The following RANBP2 variants were observed in gnomAD, a reference collection of about 807,000 sequenced individuals.
The protein encoded by RANBP2 is RAN binding protein 2.
RANBP2 carries 57 observed loss-of-function variants against 303.6 expected under a neutral mutation model. The observed-to-expected ratio is 0.19, with a 90% CI of 0.15 to 0.23. RANBP2 has a LOEUF of 0.23. RANBP2 is among the 10% of genes least tolerant of loss of function. The pLI, the probability that RANBP2 is intolerant of heterozygous loss-of-function variation, is 1.00. For synonymous variants in RANBP2, 1,167 were observed against 1,301.5 expected (o/e 0.90, Z 2.23); for missense variants, 3,138 against 3,780.8 (o/e 0.83, Z 4.46).
the RANBP2 span, among the ~76,000 whole-genome samples, chr2:108,899,787 A>C: frequency 6.6e-6 from 1 of 152,190 alleles, no homozygotes; most frequent in Admixed American, 6.5e-5. Context: ...GGAGTTCAAG[A>C]CTAGCCTGGC....
At chr2:109,697,945 C>T in the RANBP2 span, among the ~76,000 whole-genome samples, 2 of 151,394 alleles carry the variant, frequency 1.3e-5, no homozygotes, top group South Asian at 2.1e-4. Context: ...CTGCGACCTC[C>T]GCCTCCCAGG....
chr2:109,228,190 C>G, the RANBP2 span, among the ~76,000 whole-genome samples: 1 of 152,146 alleles, frequency 6.6e-6, no homozygotes, highest in Non-Finnish European at 1.5e-5. Context: ...GCTTATAATA[C>G]TGTCAGAAAT....
the RANBP2 span, among the ~76,000 whole-genome samples, chr2:109,049,930 G>T: frequency 6.6e-6 from 1 of 152,176 alleles, no homozygotes; most frequent in Non-Finnish European, 1.5e-5. Flanking sequence ...GTAAATGCTT[G>T]TCTCCTCTGG....
the RANBP2 span, among the ~76,000 whole-genome samples, chr2:109,078,990 C>CA: frequency 7.3e-5 from 11 of 150,346 alleles, no homozygotes; most frequent in South Asian, 2.1e-4. Context: ...GACTCTGTTT[C>CA]AAAAAAAAAG....
chr2:109,056,857 G>T, the RANBP2 span, among the ~76,000 whole-genome samples: 2 of 152,176 alleles, frequency 1.3e-5, no homozygotes, highest in African/African-American at 4.8e-5. Flanking sequence ...GTTGTACATG[G>T]TCCTCCCAAG....
In RANBP2 at chr2:108,768,013, A is replaced by C. The variant is rs2693103; in HGVS notation, c.7474A>C (p.Thr2492Pro). Residue 2492 changes from threonine (T) to proline (P), a missense_variant, in exon 20 of 29, where the codon ACT becomes CCT. This residue lies in a region of RANBP2 where 497 missense variants were observed against 465.8 expected (regional missense o/e 1.07). Transcript: ENST00000283195. ...VIQGDDVADA[T>P]SEVEVSSTSE... Reference sequence around the variant, plus strand: ...TCAGGGTGATGATGTAGCAGATGCAACTTCAGAAGTTGAAGTGTCTAGCAC... The same window carrying C: ...TCAGGGTGATGATGTAGCAGATGCACCTTCAGAAGTTGAAGTGTCTAGCAC... The C allele has an allele frequency of 2.1e-4, 333 of 1,612,064 alleles. 2 individuals carry two copies. In the African/African-American group the frequency reaches 4.0e-3, roughly 19 times the overall value.
At chr2:109,446,350 G>A in the RANBP2 span, among the ~76,000 whole-genome samples, 3,981 of 152,266 alleles carry the variant, frequency 0.026, 166 homozygotes, top group African/African-American at 0.09. Context: ...CATTGCGGGC[G>A]TTATCGTGAA....
At chr2:109,430,583 C>A in the RANBP2 span, among the ~76,000 whole-genome samples, 3 of 152,160 alleles carry the variant, frequency 2.0e-5, no homozygotes, top group African/African-American at 7.2e-5. Flanking sequence ...GTTCTCCTCT[C>A]CTCCCCTCCA....
At chr2:108,975,061 A>G in the RANBP2 span, among the ~76,000 whole-genome samples, 1 of 152,178 alleles carries the variant, frequency 6.6e-6, no homozygotes, top group African/African-American at 2.4e-5. Flanking sequence ...CCATTGTGGA[A>G]TCTGCTTTTC....
chr2:109,073,947 G>A, the RANBP2 span, among the ~76,000 whole-genome samples: 1 of 150,496 alleles, frequency 6.6e-6, no homozygotes, highest in Non-Finnish European at 1.5e-5. Context: ...AAGAAAAAAA[G>A]TTACAAAGCC....
the RANBP2 span, among the ~76,000 whole-genome samples, chr2:109,043,873 A>G: frequency 1.3e-5 from 2 of 152,176 alleles, no homozygotes; most frequent in African/African-American, 4.8e-5. Flanking sequence ...ATTTGGGGGA[A>G]CAGCCTCAAG....
the RANBP2 span, among the ~76,000 whole-genome samples, chr2:109,182,125 T>G: frequency 6.6e-6 from 1 of 152,358 alleles, no homozygotes; most frequent in Non-Finnish European, 1.5e-5. Context: ...TTTGTCTTAC[T>G]TAGTTTTCTG....
At chr2:108,886,371 C>T in the RANBP2 span, among the ~76,000 whole-genome samples, 2 of 151,968 alleles carry the variant, frequency 1.3e-5, no homozygotes, top group Admixed American at 1.3e-4. Flanking sequence ...TGTTGGTTAC[C>T]TGTATGTCTT....
the RANBP2 span, among the ~76,000 whole-genome samples, chr2:108,932,571 A>C: frequency 1.3e-5 from 2 of 151,296 alleles, no homozygotes; most frequent in African/African-American, 4.9e-5. Context: ...TTAAGAATTA[A>C]GTTGGAGAAG....
At chr2:109,051,979 A>C in the RANBP2 span, among the ~76,000 whole-genome samples, 1 of 152,134 alleles carries the variant, frequency 6.6e-6, no homozygotes, top group Non-Finnish European at 1.5e-5. Flanking sequence ...CGATCTCCTG[A>C]CCTGGTGATC....
At position 108,764,238 on chromosome 2, in the gene RANBP2, A is replaced by G; in HGVS notation, c.3699A>G (p.Leu1233=). ...RHKTSGKIRL[L]MRREQVLKIC... ...AAACATCTGGTAAAATTCGCCTTCT[A>G]ATGAGACGAGAGCAAGTATTGAAAA... The change falls in exon 20 of 29, where the codon CTA becomes CTG. Residue 1233 remains leucine, a synonymous_variant. Transcript: ENST00000283195. 6.2e-7 allele frequency: 1 copy of G among 1,614,098 alleles called. No homozygotes were observed.
At chr2:109,674,440 C>T in the RANBP2 span, among the ~76,000 whole-genome samples, 11 of 123,410 alleles carry the variant, frequency 8.9e-5, no homozygotes, top group East Asian at 5.1e-4. Flanking sequence ...AAAAATTAAC[C>T]GAGCATGATG....
At chr2:109,324,026 T>C in the RANBP2 span, among the ~76,000 whole-genome samples, 1 of 152,204 alleles carries the variant, frequency 6.6e-6, no homozygotes, top group Non-Finnish European at 1.5e-5. Flanking sequence ...TGTGGATCTT[T>C]CTTTCTGGAC....
the RANBP2 span, among the ~76,000 whole-genome samples, chr2:109,225,520 C>T: frequency 6.6e-6 from 1 of 152,244 alleles, no homozygotes; most frequent in East Asian, 1.9e-4. Flanking sequence ...CACTCACACT[C>T]ACCATGTGGA....
Sources: gnomAD v4.1 joint callset for allele counts (sites outside exome capture counted in the v4.1 genomes callset) on GRCh38, gnomAD v4.1.1 for gene constraint, gnomAD v4.1.1 regional missense constraint, MANE v1.5 for transcripts, NCBI Gene and HGNC (gene_info 2026-07-23, HGNC 2026-07-21) for gene names.